ACSM1: variants seen among roughly 807,000 people sequenced by gnomAD.
ACSM1 encodes acyl-coenzyme A synthetase ACSM1, mitochondrial.
ACSM1 carries 79 observed loss-of-function variants against 75.8 expected under a neutral mutation model. The ratio of observed to expected loss-of-function variants is 1.04; its 90% CI spans 0.87 to 1.26. The LOEUF (loss-of-function observed/expected upper bound fraction) is 1.26. ACSM1 is among the 50% of genes most tolerant of loss of function. ACSM1 has a pLI of 0.00. For synonymous variants in ACSM1, 279 were observed against 265.8 expected, an observed-to-expected ratio of 1.05 and a Z score of -0.48; for missense variants, 676 against 720.1, an observed-to-expected ratio of 0.94 and a Z score of 0.70.
intron 4 of ACSM1, among the ~76,000 whole-genome samples, chr16:20,672,471 A>AATATATATATATATATATATATAT (rs1392857890): frequency 1.5e-5 from 1 of 64,574 alleles, no homozygotes; most frequent in African/African-American, 6.1e-5. Context: ...AAAAAAAAAA[A>AATATATATATATATATATATATAT]ATATATATAT....
chr16:20,651,524 G>A (rs930848291), intron 7 of ACSM1, among the ~76,000 whole-genome samples: 14 of 152,146 alleles, frequency 9.2e-5, no homozygotes, highest in African/African-American at 3.4e-4. Context: ...AGCTACTCCA[G>A]AGGCTGAGGC....
At chr16:20,696,632 A>G (rs994955010) in intron 1 of ACSM1, among the ~76,000 whole-genome samples, 1 of 152,222 alleles carries the variant, frequency 6.6e-6, no homozygotes, top group Admixed American at 6.5e-5. Flanking sequence ...AGCACATCCT[A>G]TGAAATCATT....
intron 10 of ACSM1, among the ~76,000 whole-genome samples, chr16:20,636,158 T>A (rs1040840416): frequency 1.8e-4 from 28 of 152,212 alleles, no homozygotes; most frequent in African/African-American, 6.5e-4. Flanking sequence ...CATCCTTCCA[T>A]GGCCAATATT....
rs114640081 is a variant in ACSM1, at chr16:20,668,500, A to G, written c.912+1327T>C. 7.2e-3 allele frequency among the ~76,000 whole-genome samples: 1,102 copies of G among 152,210 alleles called. 19 individuals are homozygous for G. Among genetic ancestry groups the G allele is most frequent in the South Asian group, 0.044 (213 of 4,816 alleles). On this transcript the variant is annotated intron_variant, in intron 6 of 13. Coordinates refer to ENST00000520010, the MANE Select transcript of ACSM1 (RefSeq NM_001318890.3). ...GGCATTGATATAGAGGTAGGTAATG[A>G]GATATGGGAAGTGCAGTTTGATGTT...
intron 7 of ACSM1, among the ~76,000 whole-genome samples, chr16:20,654,822 T>C (rs1374349626): frequency 1.3e-5 from 2 of 152,208 alleles, no homozygotes; most frequent in African/African-American, 4.8e-5. Context: ...AGTTCAATCA[T>C]TGTGGAAGAC....
intron 1 of ACSM1, 79 bp downstream of exon 1, chr16:20,697,555 TTA>T (rs1491336010): frequency 3.8e-5 from 4 of 104,946 alleles, no homozygotes; most frequent in Non-Finnish European, 5.5e-5. Context: ...TAAAATTGGA[TTA>T]CACACACACA....
In ACSM1 at chr16:20,682,392, C is replaced by CT. The variant is rs1470082657; in HGVS notation, c.474dup (p.Ala159SerfsTer32). ...GCATCTATGGTCACAATGCCCTTGG[C>CT]TTTAGACAACTGTAGTCGATAGAGA... On this transcript the variant is annotated frameshift_variant, in exon 4 of 14. Coordinates refer to ENST00000520010, the MANE Select transcript of ACSM1 (RefSeq NM_001318890.3). LOFTEE classifies it high-confidence loss of function. The CT allele has an allele frequency of 6.2e-7, 1 of 1,613,946 alleles. No homozygotes were observed. Among genetic ancestry groups the CT allele is most frequent in the East Asian group, 2.2e-5 (1 of 44,874 alleles).
chr16:20,688,995 A>G (rs11643819), intron 2 of ACSM1, among the ~76,000 whole-genome samples: 17,886 of 148,214 alleles, frequency 0.12, 1,220 homozygotes, highest in East Asian at 0.21. Context: ...TTAATATATT[A>G]TATTATATAT....
At chr16:20,682,836 CT>C (rs2079474591) in intron 3 of ACSM1, among the ~76,000 whole-genome samples, 1 of 152,160 alleles carries the variant, frequency 6.6e-6, no homozygotes, top group Admixed American at 6.5e-5. Flanking sequence ...AGCTGCATCT[CT>C]CCCCCATCTT....
At chr16:20,691,264 T>G in intron 1 of ACSM1, 25 bp from the exon 2 acceptor site, 1 of 1,248,672 alleles carries the variant, frequency 8.0e-7, no homozygotes, top group Non-Finnish European at 1.1e-6. Context: ...GCTAATAGAT[T>G]GGCTGTGTAT....
intron 12 of ACSM1, 124 bp downstream of exon 12, chr16:20,625,299 G>T: frequency 1.1e-6 from 1 of 878,192 alleles, no homozygotes; most frequent in Non-Finnish European, 1.8e-6. Flanking sequence ...GTGCCATACC[G>T]TGTAAACGCA....
chr16:20,696,598 T>C (rs572476498), intron 1 of ACSM1, among the ~76,000 whole-genome samples: 2 of 152,344 alleles, frequency 1.3e-5, no homozygotes, highest in South Asian at 4.1e-4. Context: ...AAAGAGTTCC[T>C]ACCCTGTTAG....
In ACSM1 at chr16:20,690,979, T is replaced by C. The variant is rs965079887; in HGVS notation, c.192+18A>G. The C allele has an allele frequency of 6.2e-7, 1 of 1,601,102 alleles. No homozygotes were observed. Among genetic ancestry groups the C allele is most frequent in the Non-Finnish European group, 8.5e-7 (1 of 1,175,478 alleles). ...GGCCACCCTTGTTCTTATATCGCCA[T>C]CACGGCAGATCTCTTACCTTCTCCT... On this transcript the variant is annotated intron_variant, in intron 2 of 13. Transcript: ENST00000520010.
Position 20,627,288 on chromosome 16 carries a change from T to G in ACSM1, c.1328A>C (p.Glu443Ala). The G allele has an allele frequency of 6.3e-7, 1 of 1,583,192 alleles. No individual in the cohort carries two copies. The highest frequency in any genetic ancestry group is 8.6e-7 in the Non-Finnish European group (1 of 1,167,058). ...EGDPEKTAKV[E>A]CGDFYNTGDR... is the part of the protein sequence containing the mutation. ...CCCAGTGTTGTAGAAGTCCCCACAT[T>G]CCACTTTAGCTGTCTTCTCTGGGTC... Residue 443 changes from glutamate (E) to alanine (A), a missense_variant, in exon 11 of 14, where the codon GAA (glutamate) becomes GCA (alanine). Physicochemically the swap from Glu to Ala is moderately radical, Grantham distance 107 (BLOSUM62 -1). Transcript: ENST00000520010.
intron 1 of ACSM1, among the ~76,000 whole-genome samples, chr16:20,691,551 G>A (rs2079652316): frequency 1.3e-5 from 2 of 152,034 alleles, no homozygotes; most frequent in African/African-American, 2.4e-5. Context: ...AGAGCAACTC[G>A]CCTTTTGGAA....
chr16:20,641,147 A>T (rs1253729121), intron 7 of ACSM1, among the ~76,000 whole-genome samples: 3 of 152,108 alleles, frequency 2.0e-5, no homozygotes, highest in African/African-American at 7.2e-5. Context: ...TACAGCCCTG[A>T]CAGAAGGAAT....
At chr16:20,693,397 T>G (rs561878798) in intron 1 of ACSM1, among the ~76,000 whole-genome samples, 111 of 152,262 alleles carry the variant, frequency 7.3e-4, no homozygotes, top group Non-Finnish European at 1.4e-3. Flanking sequence ...TTCTTGAAGT[T>G]TGATTGGAAA....
chr16:20,642,499 C>T (rs1193906184), intron 7 of ACSM1, among the ~76,000 whole-genome samples: 1 of 152,174 alleles, frequency 6.6e-6, no homozygotes, highest in Non-Finnish European at 1.5e-5. Flanking sequence ...AGGCTAGAGC[C>T]AAGGGAGACC....
At position 20,623,521 on chromosome 16, in the gene ACSM1, T is replaced by C. The variant is rs2016733770; in HGVS notation, c.1699A>G (p.Lys567Glu). The C allele has an allele frequency of 1.2e-6, 2 of 1,614,124 alleles. No individual in the cohort carries two copies. The highest frequency in any genetic ancestry group is 1.7e-6 in the Non-Finnish European group (2 of 1,180,008). ...PKTITGKIER[K>E]ELRKKETGQM is the part of the protein sequence containing the mutation. ...CCAGTCTCCTTTTTCCGAAGTTCCT[T>C]CCGTTCAATCTTGCCAGTGATGGTT... The change falls in exon 14 of 14, where the codon AAG (lysine) becomes GAG (glutamate). Residue 567 changes from lysine (K) to glutamate (E), a missense_variant. By Grantham distance (56) the Lys-to-Glu change is moderately conservative. Coordinates refer to ENST00000520010, the MANE Select transcript of ACSM1 (RefSeq NM_001318890.3).
Sources: allele counts gnomAD v4.1 joint callset (sites outside exome capture counted in the v4.1 genomes callset), GRCh38; gene constraint gnomAD v4.1.1; transcripts MANE v1.5; gene names NCBI Gene and HGNC (gene_info 2026-07-23, HGNC 2026-07-21).